The following ANO5 variants were observed in gnomAD, a reference collection of about 807,000 sequenced individuals.
ANO5 encodes anoctamin 5.
In ANO5, 109 loss-of-function variants were observed where a neutral mutation model predicts 121.0. The ratio of observed to expected loss-of-function variants is 0.90; its 90% CI spans 0.77 to 1.06. The LOEUF is 1.06. Ranked by LOEUF, ANO5 falls within the 50% of genes least tolerant of loss-of-function variation. The pLI is 0.00. For synonymous variants in ANO5, 406 were observed against 359.9 expected (o/e 1.13, Z -1.45); for missense variants, 1,064 against 1,078.5 (o/e 0.99, Z 0.19).
chr11:22,263,313 TATA>T (rs1396820950), intron 17 of ANO5, among the ~76,000 whole-genome samples: 1 of 152,200 alleles, frequency 6.6e-6, no homozygotes, highest in Non-Finnish European at 1.5e-5. Flanking sequence ...TGAGGTACAA[TATA>T]ATGTTTTGAA....
chr11:22,193,673 C>G (rs567614575), intron 1 of ANO5, 141 bp downstream of exon 1: 2 of 1,140,952 alleles, frequency 1.8e-6, no homozygotes, highest in East Asian at 5.2e-5. Flanking sequence ...GTGCTCAGCG[C>G]GAAACCGGGA....
At chr11:22,246,691 T>C in intron 9 of ANO5, among the ~76,000 whole-genome samples, 1 of 151,216 alleles carries the variant, frequency 6.6e-6, no homozygotes, top group Admixed American at 6.6e-5. Context: ...ATAATAATAC[T>C]ACTACTACAA....
At chr11:22,270,613 T>A (rs1854575763) in intron 18 of ANO5, among the ~76,000 whole-genome samples, 171 bp downstream of exon 18, 1 of 152,200 alleles carries the variant, frequency 6.6e-6, no homozygotes, top group South Asian at 2.1e-4. Context: ...ATTTCCCTGT[T>A]CCATCAAATA....
chr11:22,278,022 T>C (rs1323884069), intron 21 of ANO5: 1 of 151,756 alleles, frequency 6.6e-6, no homozygotes, highest in African/African-American at 2.4e-5. Flanking sequence ...TAATTAAAAG[T>C]TGTTTTTCTT....
In ANO5 at chr11:22,203,097, TA is replaced by T. The variant is rs565949434; in HGVS notation, c.41-703del. On this transcript the variant is annotated intron_variant, in intron 1 of 21. Transcript: ENST00000324559. ...TTCGCCAGTTTTTCTATCGTATTTC[TA>T]AAATTATGGTCACTAACTTGAACTT... 5.9e-4 allele frequency among the ~76,000 whole-genome samples: 90 copies of T among 152,282 alleles called. No individual in the cohort carries two copies. In the South Asian group the frequency reaches 0.018, roughly 31 times the overall value.
At chr11:22,261,990 T>A in intron 15 of ANO5, 139 bp from the exon 16 acceptor site, 1 of 725,102 alleles carries the variant, frequency 1.4e-6, no homozygotes, top group Non-Finnish European at 2.3e-6. Flanking sequence ...TTACTTAATA[T>A]TGGCCTACTA....
At chr11:22,270,922 C>T (rs567560616) in intron 18 of ANO5, among the ~76,000 whole-genome samples, 1 of 152,118 alleles carries the variant, frequency 6.6e-6, no homozygotes, top group Non-Finnish European at 1.5e-5. Flanking sequence ...CAAGAAACAT[C>T]CAAAACATTG....
intron 5 of ANO5, 141 bp downstream of exon 5, chr11:22,221,351 A>C (rs187636118): frequency 9.7e-6 from 7 of 725,300 alleles, no homozygotes; most frequent in Admixed American, 2.3e-5. Context: ...AGATAACTGT[A>C]AAGTAGGCAG....
chr11:22,208,054 A>G (rs1402499631), intron 2 of ANO5, among the ~76,000 whole-genome samples: 41 of 152,056 alleles, frequency 2.7e-4, no homozygotes, highest in Admixed American at 2.7e-3. Flanking sequence ...ATGCAGAGAA[A>G]CTAGATCTCT....
At chr11:22,212,953 G>T (rs1429049242) in intron 3 of ANO5, among the ~76,000 whole-genome samples, 2 of 150,700 alleles carry the variant, frequency 1.3e-5, no homozygotes, top group African/African-American at 2.4e-5. Context: ...AATTCTAAGT[G>T]ACTTTAAAAT....
intron 21 of ANO5, among the ~76,000 whole-genome samples, chr11:22,277,032 C>T (rs1293941454): frequency 1.3e-5 from 2 of 151,382 alleles, no homozygotes; most frequent in Admixed American, 6.6e-5. Flanking sequence ...CCCTAAAATC[C>T]TAATATCCAA....
At chr11:22,228,610 T>G (rs2133617120) in intron 7 of ANO5, among the ~76,000 whole-genome samples, 2 of 152,080 alleles carry the variant, frequency 1.3e-5, no homozygotes, top group Middle Eastern at 6.8e-3. Flanking sequence ...TATAACTTTG[T>G]ACCCGTTGAC....
At chr11:22,269,666 C>T (rs1046186723) in intron 17 of ANO5, among the ~76,000 whole-genome samples, 1 of 151,916 alleles carries the variant, frequency 6.6e-6, no homozygotes, top group African/African-American at 2.4e-5. Context: ...TTCTACTTTT[C>T]TTTCCTAAGT....
rs147127995 is a variant in ANO5, at chr11:22,273,862, A to C, written c.2236-707A>C. ...ATTTGAAATGACCACTTTTTTAGAA[A>C]GCAAAAATTGCCAGATCTATTCAGT... On this transcript the variant is annotated intron_variant, in intron 19 of 21. Coordinates refer to ENST00000324559, the MANE Select transcript of ANO5 (RefSeq NM_213599.3). Among the ~76,000 whole-genome samples the C allele has an allele frequency of 1.2e-3, 186 of 152,224 alleles. 1 individual carries two copies. The highest frequency in any genetic ancestry group is 4.2e-3 in the African/African-American group (175 of 41,566).
At chr11:22,259,149 A>T (rs1355812163) in intron 14 of ANO5, among the ~76,000 whole-genome samples, 3 of 145,128 alleles carry the variant, frequency 2.1e-5, no homozygotes, top group Non-Finnish European at 3.0e-5. Flanking sequence ...AAAAAAAAAA[A>T]GAGAAAAAAA....
intron 3 of ANO5, among the ~76,000 whole-genome samples, chr11:22,215,673 T>C (rs958396504): frequency 2.0e-5 from 3 of 151,950 alleles, no homozygotes; most frequent in Non-Finnish European, 4.4e-5. Flanking sequence ...ACATCAGAAA[T>C]TTATGAAAAA....
intron 4 of ANO5, among the ~76,000 whole-genome samples, chr11:22,219,295 C>T (rs936845530): frequency 3.9e-5 from 6 of 151,964 alleles, no homozygotes; most frequent in South Asian, 2.1e-4. Context: ...CTGAGCACTC[C>T]GGAAAATCAC....
intron 9 of ANO5, among the ~76,000 whole-genome samples, chr11:22,240,535 A>G (rs1394711364): frequency 6.6e-6 from 1 of 152,096 alleles, no homozygotes; most frequent in East Asian, 1.9e-4. Flanking sequence ...ATTTTGGAAA[A>G]TTAATGTCAC....
chr11:22,253,733 T>A (rs112288621), intron 12 of ANO5, among the ~76,000 whole-genome samples: 2,939 of 152,260 alleles, frequency 0.019, 35 homozygotes, highest in Non-Finnish European at 0.028. Context: ...AGTTACAATC[T>A]AATTGGGTTA....
Sources: allele counts gnomAD v4.1 joint callset (sites outside exome capture counted in the v4.1 genomes callset), GRCh38; gene constraint gnomAD v4.1.1; transcripts MANE v1.5; gene names NCBI Gene and HGNC (gene_info 2026-07-23, HGNC 2026-07-21).